Variants in COL21A1 observed in about 807,000 individuals in gnomAD.
COL21A1 encodes collagen type XXI alpha 1 chain.
Under a neutral mutation model 137.9 loss-of-function variants are expected in COL21A1, and 149 were observed. The ratio of observed to expected loss-of-function variants is 1.08; its 90% confidence interval spans 0.95 to 1.24. COL21A1 has a LOEUF of 1.24. Among genes scored for constraint, COL21A1 ranks in the 50% most tolerant of loss-of-function variants. COL21A1 has a pLI of 0.00. For missense variants in COL21A1, 1,167 were observed against 1,158.4 expected, an observed-to-expected ratio of 1.01 and a Z score of -0.11; for synonymous variants, 456 against 391.5, an observed-to-expected ratio of 1.16 and a Z score of -1.95.
intron 1 of COL21A1, among the ~76,000 whole-genome samples, chr6:56,376,980 CT>C (rs11396420): frequency 0.052 from 7,194 of 137,652 alleles, 216 homozygotes; most frequent in African/African-American, 0.086. Flanking sequence ...AGAAAAAAGT[CT>C]TTTTTTTTTT....
intron 17 of COL21A1, among the ~76,000 whole-genome samples, chr6:56,089,187 C>G (rs904624044): frequency 1.3e-5 from 2 of 152,136 alleles, no homozygotes; most frequent in East Asian, 1.9e-4. Flanking sequence ...ATACCTGCAA[C>G]AGTTGAGCTC....
At chr6:56,161,848 A>G (rs925086110) in intron 9 of COL21A1, among the ~76,000 whole-genome samples, 1 of 152,220 alleles carries the variant, frequency 6.6e-6, no homozygotes, top group Non-Finnish European at 1.5e-5. Flanking sequence ...ACTTTAAAAA[A>G]AATAACTATC....
At chr6:56,134,045 G>A (rs1287305792) in intron 12 of COL21A1, among the ~76,000 whole-genome samples, 1 of 152,188 alleles carries the variant, frequency 6.6e-6, no homozygotes, top group Admixed American at 6.5e-5. Flanking sequence ...TAGCAGAGCT[G>A]TGAGAAGAAG....
intron 1 of COL21A1, among the ~76,000 whole-genome samples, chr6:56,270,083 C>A (rs965666899): frequency 6.6e-6 from 1 of 152,168 alleles, no homozygotes; most frequent in Non-Finnish European, 1.5e-5. Context: ...CATATCAATA[C>A]TACCCCTTAA....
intron 1 of COL21A1, among the ~76,000 whole-genome samples, chr6:56,184,663 T>A (rs1778143784): frequency 6.6e-6 from 1 of 152,072 alleles, no homozygotes; most frequent in African/African-American, 2.4e-5. Flanking sequence ...AAAAAGACAA[T>A]ATGCTGGAGA....
rs912231835 is a variant in COL21A1, at chr6:56,077,819, T to C, written c.1813-246A>G. 4 of 420,072 alleles carry C rather than the reference T, an allele frequency of 9.5e-6. No individual in the cohort carries two copies. The Admixed American group carries it at 1.2e-4, about 13-fold the overall frequency. The allele number at this position is 420,072 out of a possible 1,614,324, so 26.0% of individuals were successfully genotyped here. A position where few individuals can be genotyped will look rare whatever the true frequency, so the allele number is the denominator to read the frequency against. ...TTTTGAAAAAGAAACTATGAGGAAA[T>C]TCATCTCAGTTCTTGCACCCCAACA... On this transcript the variant is annotated intron_variant, in intron 17 of 29. Coordinates refer to ENST00000244728, the MANE Select transcript of COL21A1 (RefSeq NM_030820.4).
chr6:56,204,976 C>G (rs189619796), intron 1 of COL21A1, among the ~76,000 whole-genome samples: 48 of 152,220 alleles, frequency 3.2e-4, no homozygotes, highest in Non-Finnish European at 5.9e-4. Flanking sequence ...AGATCCCATC[C>G]AAAGGTCACC....
chr6:56,133,828 C>G (rs1444627798), intron 12 of COL21A1, among the ~76,000 whole-genome samples: 1 of 152,210 alleles, frequency 6.6e-6, no homozygotes. Context: ...TGGCAGCTTC[C>G]ATGTGGTGTT....
At chr6:56,223,457 T>C (rs999154782) in intron 1 of COL21A1, among the ~76,000 whole-genome samples, 3 of 152,116 alleles carry the variant, frequency 2.0e-5, no homozygotes, top group African/African-American at 7.2e-5. Context: ...TCATTAAATT[T>C]AAAAACTATA....
chr6:56,268,793 T>C (rs761164885), intron 1 of COL21A1, among the ~76,000 whole-genome samples: 4 of 152,188 alleles, frequency 2.6e-5, no homozygotes, highest in African/African-American at 9.6e-5. Flanking sequence ...CAGAATGATA[T>C]GATAGACATA....
chr6:56,125,659 A>G (rs1355284262), intron 13 of COL21A1, 39 bp from the exon 14 acceptor site: 2 of 1,303,424 alleles, frequency 1.5e-6, no homozygotes, highest in East Asian at 2.6e-5. Flanking sequence ...TTTAAGAAAT[A>G]TGAATATTTT....
intron 1 of COL21A1, among the ~76,000 whole-genome samples, chr6:56,228,384 T>C (rs1781342820): frequency 6.6e-6 from 1 of 151,668 alleles, no homozygotes; most frequent in East Asian, 2.0e-4. Flanking sequence ...TATGACTGTT[T>C]GATTGCAGTG....
chr6:56,200,256 G>T (rs1317745530), intron 1 of COL21A1, among the ~76,000 whole-genome samples: 2 of 152,152 alleles, frequency 1.3e-5, no homozygotes, highest in African/African-American at 4.8e-5. Context: ...TTTCCTAAAT[G>T]CGAAGTGTGT....
intron 10 of COL21A1, among the ~76,000 whole-genome samples, chr6:56,150,374 A>C (rs1408602336): frequency 6.6e-6 from 1 of 152,012 alleles, no homozygotes; most frequent in African/African-American, 2.4e-5. Context: ...AAAAATTAGC[A>C]GGGCGTGGTG....
At chr6:56,176,024 AC>A (rs1213244772) in intron 3 of COL21A1, among the ~76,000 whole-genome samples, 3 of 152,004 alleles carry the variant, frequency 2.0e-5, no homozygotes, top group Admixed American at 6.6e-5. Context: ...AGACTGCCCG[AC>A]GGGGAAAGGA....
intron 16 of COL21A1, among the ~76,000 whole-genome samples, chr6:56,106,180 C>T (rs572457490): frequency 2.4e-4 from 37 of 152,260 alleles, no homozygotes; most frequent in African/African-American, 8.9e-4. Flanking sequence ...TCAACAAAAG[C>T]TTTTTTCTCC....
intron 9 of COL21A1, among the ~76,000 whole-genome samples, chr6:56,157,368 T>C (rs1254785415): frequency 6.8e-6 from 1 of 147,266 alleles, no homozygotes; most frequent in Non-Finnish European, 1.5e-5. Context: ...TGCAGTGCAG[T>C]GATGCGATCT....
chr6:56,172,400 C>A (rs1342351808), intron 3 of COL21A1, among the ~76,000 whole-genome samples: 1 of 152,078 alleles, frequency 6.6e-6, no homozygotes, highest in African/African-American at 2.4e-5. Context: ...AAAGAAAAAA[C>A]CTGCCAAACA....
At chr6:56,317,803 C>A (rs1009909424) in intron 1 of COL21A1, among the ~76,000 whole-genome samples, 4 of 152,130 alleles carry the variant, frequency 2.6e-5, no homozygotes, top group African/African-American at 7.2e-5. Flanking sequence ...CCATCCCTTG[C>A]CGCCTTCATG....
Sources: gnomAD v4.1 joint callset for allele counts (sites outside exome capture counted in the v4.1 genomes callset) on GRCh38, gnomAD v4.1.1 for gene constraint, MANE v1.5 for transcripts, NCBI Gene and HGNC (gene_info 2026-07-23, HGNC 2026-07-21) for gene names.